Variants in DNAI2 observed in about 807,000 individuals in gnomAD.
The protein encoded by DNAI2 is dynein, axonemal, intermediate polypeptide 2.
DNAI2 carries 63 observed loss-of-function variants against 74.7 expected under a neutral mutation model. The ratio of observed to expected loss-of-function variants is 0.84; its 90% CI spans 0.69 to 1.04. The LOEUF is 1.04. Ranked by LOEUF, DNAI2 falls within the 50% of genes least tolerant of loss-of-function variation. The pLI is 0.00. For missense variants in DNAI2, 688 were observed against 803.2 expected (o/e 0.86, Z 1.73); for synonymous variants, 289 against 314.9 (o/e 0.92, Z 0.87).
chr17:74,285,296 G>A lies in DNAI2; in HGVS notation c.345+95G>A, dbSNP rs2051648842. On this transcript the variant is annotated intron_variant, in intron 3 of 13. Transcript: ENST00000311014. ...CCCAGCTGTGCCTGGCCATCGCTGT[G>A]AGGCTCGTGTGAATGCTGGGGGGAA... The A allele has an allele frequency of 6.0e-6, 9 of 1,487,794 alleles. 1 individual carries two copies. Among genetic ancestry groups the A allele is most frequent in the Non-Finnish European group, 8.3e-6 (9 of 1,086,790 alleles). The allele number at this position is 1,487,794 out of a possible 1,614,324, so 92.2% of individuals were successfully genotyped here.
At position 74,300,542 on chromosome 17, in the gene DNAI2, T is replaced by C. The variant is rs2052701657; in HGVS notation, c.865-504T>C. On this transcript the variant is annotated intron_variant, in intron 7 of 13. Transcript: ENST00000311014. This position sits in a 1 kb window ranked among gnomAD's most constrained non-coding sequence, Gnocchi z 4.5. Reference sequence around the variant, plus strand: ...CCGCTGCCCCATGCCTATTAATAACTGCATCATGTGGGTGTACCATAATTT... The same window carrying C: ...CCGCTGCCCCATGCCTATTAATAACCGCATCATGTGGGTGTACCATAATTT... 6.6e-6 allele frequency among the ~76,000 whole-genome samples: 1 copy of C among 152,248 alleles called. No homozygotes were observed. Among genetic ancestry groups the C allele is most frequent in the African/African-American group, 2.4e-5 (1 of 41,460 alleles).
At chr17:74,292,681 A>G (rs549259220) in intron 6 of DNAI2, among the ~76,000 whole-genome samples, 1 of 152,186 alleles carries the variant, frequency 6.6e-6, no homozygotes, top group Admixed American at 6.5e-5. Flanking sequence ...CTGGCCTCCC[A>G]AAGTGCTGGG....
chr17:74,277,835 C>T (rs568246514), intron 1 of DNAI2, among the ~76,000 whole-genome samples: 5 of 152,356 alleles, frequency 3.3e-5, no homozygotes, highest in East Asian at 3.9e-4. Context: ...AGGAAGATCC[C>T]AGGTTTCAGA....
At chr17:74,303,989 G>A (rs1434927724) in intron 8 of DNAI2, among the ~76,000 whole-genome samples, 1 of 151,532 alleles carries the variant, frequency 6.6e-6, no homozygotes, top group Non-Finnish European at 1.5e-5. Context: ...GCTGACCCTG[G>A]TGGTGTGTGC....
At chr17:74,313,873 C>A in intron 12 of DNAI2, 1 of 524,710 alleles carries the variant, frequency 1.9e-6, no homozygotes, top group Non-Finnish European at 3.4e-6. Flanking sequence ...TAGCCCGAGG[C>A]CTCCCAGTCT....
chr17:74,279,584 G>A (rs2051280994), intron 1 of DNAI2, among the ~76,000 whole-genome samples: 1 of 152,164 alleles, frequency 6.6e-6, no homozygotes, highest in Admixed American at 6.5e-5. Flanking sequence ...CTGGAGTGCA[G>A]TGGCACAATC....
chr17:74,302,578 C>A (rs1220425787), intron 8 of DNAI2, among the ~76,000 whole-genome samples: 1 of 151,110 alleles, frequency 6.6e-6, no homozygotes, highest in South Asian at 2.1e-4. Flanking sequence ...AAAAAAAAAA[C>A]AAAGAAAAGA....
At chr17:74,284,402 C>T (rs1015346987) in intron 2 of DNAI2, among the ~76,000 whole-genome samples, 5 of 152,018 alleles carry the variant, frequency 3.3e-5, no homozygotes, top group African/African-American at 1.2e-4. Context: ...AGGCTATTCA[C>T]TTTTTCTTTT....
chr17:74,275,280 C>T (rs1017114168), intron 1 of DNAI2, among the ~76,000 whole-genome samples: 1 of 152,136 alleles, frequency 6.6e-6, no homozygotes, highest in African/African-American at 2.4e-5. Context: ...CTCGTCCTGC[C>T]CTCAACCTTC....
At chr17:74,274,980 C>T (rs1024833823) in intron 1 of DNAI2, among the ~76,000 whole-genome samples, 13 of 152,202 alleles carry the variant, frequency 8.5e-5, no homozygotes, top group East Asian at 5.8e-4. Flanking sequence ...AGCTTTCAGA[C>T]CCTATGTGTT....
intron 5 of DNAI2, 41 bp from the exon 6 acceptor site, chr17:74,290,979 C>G (rs1286776489): frequency 6.3e-7 from 1 of 1,576,248 alleles, no homozygotes; most frequent in South Asian, 1.1e-5. Context: ...CTGTCCTTTT[C>G]TTTCCGGGCC....
At chr17:74,314,309 G>T in intron 13 of DNAI2, 38 bp downstream of exon 13, 1 of 1,600,626 alleles carries the variant, frequency 6.2e-7, no homozygotes, top group Non-Finnish European at 8.5e-7. Flanking sequence ...GCTGAGCTCC[G>T]CCTTAAAGCA....
chr17:74,286,777 T>C (rs886328011), intron 3 of DNAI2, among the ~76,000 whole-genome samples, 200 bp from the exon 4 acceptor site: 4 of 152,264 alleles, frequency 2.6e-5, no homozygotes, highest in Middle Eastern at 3.4e-3. Flanking sequence ...GCGCTGCATG[T>C]ATTTCCATGC....
chr17:74,294,683 GTC>G (rs1298441643), intron 6 of DNAI2, among the ~76,000 whole-genome samples: 2 of 152,132 alleles, frequency 1.3e-5, no homozygotes, highest in Admixed American at 6.5e-5. Context: ...GCTTTCAAGA[GTC>G]TCTGTCTTCA....
chr17:74,283,724 C>T (rs1036812499), intron 2 of DNAI2, among the ~76,000 whole-genome samples: 4 of 150,206 alleles, frequency 2.7e-5, no homozygotes, highest in African/African-American at 7.3e-5. Flanking sequence ...GGCAACATGG[C>T]GAAACACCGT....
chr17:74,289,881 C>T (rs189063548), intron 5 of DNAI2, 145 bp downstream of exon 5: 4 of 945,792 alleles, frequency 4.2e-6, no homozygotes, highest in East Asian at 2.6e-5. Context: ...AGGAGGAACA[C>T]ACTCTTCTCC....
At chr17:74,282,143 A>G in intron 2 of DNAI2, 143 bp downstream of exon 2, 1 of 976,806 alleles carries the variant, frequency 1.0e-6, no homozygotes, top group Non-Finnish European at 1.6e-6. Context: ...AAGTGAGGGC[A>G]GAGGCTCCCC....
chr17:74,291,888 G>T (rs1433375974), intron 6 of DNAI2, among the ~76,000 whole-genome samples: 11 of 150,438 alleles, frequency 7.3e-5, no homozygotes, highest in African/African-American at 2.7e-4. Flanking sequence ...TTTTGAGATG[G>T]AGTCTCGCTC....
chr17:74,293,360 T>A (rs908904192), intron 6 of DNAI2, among the ~76,000 whole-genome samples: 1 of 152,218 alleles, frequency 6.6e-6, no homozygotes, highest in Non-Finnish European at 1.5e-5. Flanking sequence ...ATGCTTATAA[T>A]TGTTAAGTTT....
Sources: gnomAD v4.1 joint callset for allele counts (sites outside exome capture counted in the v4.1 genomes callset) on GRCh38, gnomAD v4.1.1 for gene constraint, Gnocchi (gnomAD v3.1) non-coding constraint, MANE v1.5 for transcripts, NCBI Gene and HGNC (gene_info 2026-07-23, HGNC 2026-07-21) for gene names.